SEC31A: variants seen among roughly 807,000 people sequenced by gnomAD.
SEC31A encodes the protein protein transport protein Sec31A.
SEC31A carries 70 observed loss-of-function variants against 151.0 expected under a neutral mutation model. That is an observed-to-expected ratio of 0.46 (90% CI 0.38 to 0.57). The LOEUF is 0.57. Among genes scored for constraint, SEC31A ranks in the 20% least tolerant of loss-of-function variants. The probability of loss-of-function intolerance (pLI) is 0.00; values close to 1 mark genes in which losing one functional copy is unlikely to be tolerated. For synonymous variants in SEC31A, 475 were observed against 505.9 expected (o/e 0.94, Z 0.82); for missense variants, 1,330 against 1,471.2 (o/e 0.90, Z 1.57).
intron 16 of SEC31A, among the ~76,000 whole-genome samples, chr4:82,856,515 C>T (rs1732695129): frequency 6.6e-6 from 1 of 151,728 alleles, no homozygotes; most frequent in Non-Finnish European, 1.5e-5. Flanking sequence ...CTTTGGGAGA[C>T]CGAGGTGGGC....
intron 20 of SEC31A, among the ~76,000 whole-genome samples, chr4:82,846,090 G>A (rs973052729): frequency 2.6e-5 from 4 of 151,936 alleles, no homozygotes; most frequent in Non-Finnish European, 2.9e-5. Context: ...TGCAAACTCC[G>A]CCTCCCAGGT....
rs1266142660 is a variant in SEC31A, at chr4:82,863,791, C to A, written c.1435-399G>T. On this transcript the variant is annotated intron_variant, in intron 11 of 26. Coordinates refer to ENST00000395310, the MANE Select transcript of SEC31A (RefSeq NM_001077207.4). ...CTAAAATTCTTTCCCAAAATTATTA[C>A]AAAATATAAATTCTTTAATTTTATA... Among the ~76,000 whole-genome samples the A allele has an allele frequency of 2.0e-5, 3 of 152,038 alleles. No homozygotes were observed. In the East Asian group the frequency reaches 5.8e-4, roughly 29 times the overall value.
chr4:82,842,184 C>T lies in SEC31A; in HGVS notation c.2924G>A (p.Gly975Asp). ...SAYALPPGTT[G>D]TLPAASELPA... ...CAGCTCACTGGCAGCAGGCAGTGTA[C>T]CTGTTGTTCCAGGAGGCAGTGCATA... is the stretch of plus-strand genomic sequence containing the variant. The change falls in exon 22 of 27, where the codon GGT becomes GAT. Residue 975 changes from glycine to aspartate, a missense_variant. Gly to Asp is a moderately conservative substitution (Grantham distance 94). Transcript: ENST00000395310. 1 of 1,594,190 alleles carries T rather than the reference C, an allele frequency of 6.3e-7. No homozygotes were observed. Among genetic ancestry groups the T allele is most frequent in the Non-Finnish European group, 8.6e-7 (1 of 1,168,472 alleles).
At chr4:82,864,269 A>AATTT in intron 11 of SEC31A, 93 bp downstream of exon 11, 1 of 893,770 alleles carries the variant, frequency 1.1e-6, no homozygotes, top group East Asian at 2.5e-5. Context: ...CACTTTTTCA[A>AATTT]TTGTTTCTTT....
At chr4:82,891,279 A>C (rs983865394), upstream of SEC31A, 2 of 1,144,470 alleles carry the variant, frequency 1.7e-6, no homozygotes, top group Non-Finnish European at 2.5e-6. Context: ...CACCCGACGC[A>C]CAGCCCGCCA....
At position 82,853,562 on chromosome 4, in the gene SEC31A, G is replaced by A. The variant is rs201191037; in HGVS notation, c.2154+8C>T. The A allele has an allele frequency of 2.4e-3, 3,677 of 1,552,000 alleles. 11 individuals are homozygous for A. The highest frequency in any genetic ancestry group is 2.9e-3 in the Non-Finnish European group (3,353 of 1,160,584). On this transcript the variant is annotated splice_region_variant and intron_variant, in intron 18 of 26. Coordinates refer to ENST00000395310, the MANE Select transcript of SEC31A (RefSeq NM_001077207.4). ...AAAATTAAGTGCCTTTTGTTTCAAA[G>A]ATACTACCTGAAGTGACAAAGGGTG... is the stretch of plus-strand genomic sequence containing the variant.
chr4:82,885,414 T>C (rs1740462361), intron 1 of SEC31A, among the ~76,000 whole-genome samples: 2 of 152,194 alleles, frequency 1.3e-5, no homozygotes, highest in African/African-American at 4.8e-5. Context: ...CATTATAATA[T>C]GTGTTTCTGA....
chr4:82,867,326 C>CA lies in SEC31A; in HGVS notation c.883-11dup, dbSNP rs1553933419. ...GAAGTTCATATAACACCTAGGCCAA[C>CA]AAAAAACAAACAACAAAACTCAGAA... On this transcript the variant is annotated splice_polypyrimidine_tract_variant and intron_variant, in intron 8 of 26. Transcript: ENST00000395310. 1.2e-6 allele frequency: 2 copies of CA among 1,608,690 alleles called. No homozygotes were observed. Among genetic ancestry groups the CA allele is most frequent in the Non-Finnish European group, 8.5e-7 (1 of 1,177,530 alleles).
At chr4:82,860,517 C>T (rs1372421166) in intron 14 of SEC31A, among the ~76,000 whole-genome samples, 1 of 152,134 alleles carries the variant, frequency 6.6e-6, no homozygotes, top group African/African-American at 2.4e-5. Context: ...GCTCTGTCAC[C>T]CAGGCTGGAA....
At position 82,819,235 on chromosome 4, in the gene SEC31A, T is replaced by C. The variant is rs1317475170; in HGVS notation, c.3502A>G (p.Ser1168Gly). 6 of 1,577,116 alleles carry C rather than the reference T, an allele frequency of 3.8e-6. No individual in the cohort carries two copies. The East Asian group carries it at 9.2e-5, about 24-fold the overall frequency. Reference sequence around the variant, plus strand: ...CTCCTTGCAATGTTGTGTAAACCACTGGTGATTGTTGGTGAAAGCTGAAAC... The same window carrying C: ...CTCCTTGCAATGTTGTGTAAACCACCGGTGATTGTTGGTGAAAGCTGAAAC... ...REQTLSPTITSGLHNIARSIE... is the reference protein window; with the variant it reads ...REQTLSPTITGGLHNIARSIE... The change falls in exon 27 of 27, where the codon AGT (serine) becomes GGT (glycine). Residue 1168 changes from serine (S) to glycine (G), a missense_variant. By Grantham distance (56) the Ser-to-Gly change is moderately conservative. Coordinates refer to ENST00000395310, the MANE Select transcript of SEC31A (RefSeq NM_001077207.4).
At position 82,864,444 on chromosome 4, in the gene SEC31A, G is replaced by T; in HGVS notation, c.1352C>A (p.Ser451Ter). 6.2e-7 allele frequency: 1 copy of T among 1,614,106 alleles called. No individual in the cohort carries two copies. Among genetic ancestry groups the T allele is most frequent in the South Asian group, 1.1e-5 (1 of 91,068 alleles). Residue 451 changes from serine to a stop codon, truncating the protein, a stop_gained, in exon 11 of 27, where the codon TCA becomes TAA. Transcript: ENST00000395310. LOFTEE classifies it high-confidence loss of function. ...RSDQLQQAVQ[S>*]QGFINYCQKK... ...TTGGCAATAATTGATAAATCCTTGT[G>T]ACTGCACAGCCTGCTGAAGTTGGTC...
chr4:82,848,695 T>C, intron 20 of SEC31A, 109 bp downstream of exon 20: 1 of 828,334 alleles, frequency 1.2e-6, no homozygotes, highest in Non-Finnish European at 1.8e-6. Context: ...TAACAATATA[T>C]TGTCTAGTTT....
chr4:82,885,085 T>G (rs1186339554), intron 1 of SEC31A, among the ~76,000 whole-genome samples: 1 of 152,228 alleles, frequency 6.6e-6, no homozygotes, highest in Non-Finnish European at 1.5e-5. Context: ...AAATAATGAC[T>G]TTTGGTCTGA....
intron 1 of SEC31A, among the ~76,000 whole-genome samples, chr4:82,884,308 A>C (rs1740131010): frequency 6.6e-6 from 1 of 151,996 alleles, no homozygotes; most frequent in African/African-American, 2.4e-5. Context: ...CAATTTTTCT[A>C]TTAAGTTGAT....
At position 82,842,479 on chromosome 4, in the gene SEC31A, A is replaced by G; in HGVS notation, c.2629T>C (p.Tyr877His). 6.2e-7 allele frequency: 1 copy of G among 1,604,436 alleles called. No individual in the cohort carries two copies. The highest frequency in any genetic ancestry group is 1.7e-4 in the Middle Eastern group (1 of 6,026). ...AAGGGATACGGCTGGGCTGGTTGAT[A>G]AGCTACACCAAGGAGAAGAAACAGA... ...QVPPYPQPQPYQPAQPYPFGT... is the reference protein window; with the variant it reads ...QVPPYPQPQPHQPAQPYPFGT... Residue 877 changes from tyrosine (Y) to histidine (H), a missense_variant and splice_region_variant, in exon 22 of 27, where the codon TAT becomes CAT. Coordinates refer to ENST00000395310, the MANE Select transcript of SEC31A (RefSeq NM_001077207.4).
intron 24 of SEC31A, among the ~76,000 whole-genome samples, chr4:82,827,168 T>A (rs764392040): frequency 1.3e-5 from 2 of 152,222 alleles, no homozygotes; most frequent in Admixed American, 6.5e-5. Context: ...TGTATAACCT[T>A]CTTCTAGAGA....
intron 21 of SEC31A, 100 bp from the exon 22 acceptor site, chr4:82,842,581 A>T: frequency 1.1e-6 from 1 of 920,190 alleles, no homozygotes; most frequent in Non-Finnish European, 1.6e-6. Flanking sequence ...AAATGATTTT[A>T]ATCAAAATAA....
chr4:82,859,330 G>A (rs1243661356), intron 14 of SEC31A, among the ~76,000 whole-genome samples: 1 of 152,132 alleles, frequency 6.6e-6, no homozygotes, highest in Non-Finnish European at 1.5e-5. Context: ...TAAACTCAAT[G>A]CTTTCTTTAG....
chr4:82,848,010 C>T (rs925826301), intron 20 of SEC31A, among the ~76,000 whole-genome samples: 2 of 151,994 alleles, frequency 1.3e-5, no homozygotes, highest in Non-Finnish European at 2.9e-5. Context: ...AAAAAGACTC[C>T]ATCAATCCTA....
Sources: allele counts gnomAD v4.1 joint callset (sites outside exome capture counted in the v4.1 genomes callset), GRCh38; gene constraint gnomAD v4.1.1; transcripts MANE v1.5; gene names NCBI Gene and HGNC (gene_info 2026-07-23, HGNC 2026-07-21).